Variants in FAF1 observed in about 807,000 individuals in gnomAD.
FAF1 encodes the protein FAS-associated factor 1.
Under a neutral mutation model 92.5 loss-of-function variants are expected in FAF1, and 25 were observed. That is an observed-to-expected ratio of 0.27 (90% CI 0.20 to 0.38). FAF1 has a LOEUF of 0.38. Among genes scored for constraint, FAF1 ranks in the 10% least tolerant of loss-of-function variants. The pLI, the probability that FAF1 is intolerant of heterozygous loss-of-function variation, is 1.00. For missense variants in FAF1, 636 were observed against 793.3 expected, an observed-to-expected ratio of 0.80 and a Z score of 2.38; for synonymous variants, 234 against 273.2, an observed-to-expected ratio of 0.86 and a Z score of 1.42.
intron 18 of FAF1, among the ~76,000 whole-genome samples, chr1:50,462,025 ATAT>A (rs1253785902): frequency 2.6e-4 from 39 of 147,960 alleles, no homozygotes; most frequent in African/African-American, 8.3e-4. Context: ...TATATTTTAT[ATAT>A]TATATTATAT....
chr1:50,578,688 T>G (rs902314137), intron 12 of FAF1, among the ~76,000 whole-genome samples: 2 of 152,146 alleles, frequency 1.3e-5, no homozygotes, highest in African/African-American at 4.8e-5. Context: ...ACTGTTTGGT[T>G]GTGGAGTTCA....
intron 15 of FAF1, among the ~76,000 whole-genome samples, chr1:50,530,703 T>C (rs541527852): frequency 1.6e-4 from 25 of 152,320 alleles, no homozygotes; most frequent in South Asian, 6.2e-4. Context: ...CTCCATGATG[T>C]GCTTATTTCG....
chr1:50,876,703 G>T (rs1284991019), intron 1 of FAF1, among the ~76,000 whole-genome samples: 1 of 151,908 alleles, frequency 6.6e-6, no homozygotes, highest in East Asian at 1.9e-4. Flanking sequence ...CTCCTACCTC[G>T]GCCTCCTGAG....
In FAF1 at chr1:50,537,030, T is replaced by A. The variant is rs150384516; in HGVS notation, c.1406-1573A>T. On this transcript the variant is annotated intron_variant, in intron 14 of 18. Transcript: ENST00000396153. ...CTCGCTTTGTTGCCCAGGTCTCAAGTGATCCTCCCACCTCAGCCTTCCAAG... is the reference window on the plus strand; with the variant it reads ...CTCGCTTTGTTGCCCAGGTCTCAAGAGATCCTCCCACCTCAGCCTTCCAAG... 2.8e-3 allele frequency among the ~76,000 whole-genome samples: 427 copies of A among 152,248 alleles called. 1 individual carries two copies. The highest frequency in any genetic ancestry group is 6.5e-3 in the Admixed American group (99 of 15,282).
chr1:50,472,007 T>G (rs1273703160), intron 18 of FAF1, among the ~76,000 whole-genome samples: 1 of 151,660 alleles, frequency 6.6e-6, no homozygotes, highest in Non-Finnish European at 1.5e-5. Context: ...GATAAGGAAG[T>G]GGCACAGAGG....
At chr1:50,812,086 T>C (rs929146688) in intron 2 of FAF1, among the ~76,000 whole-genome samples, 5 of 152,084 alleles carry the variant, frequency 3.3e-5, no homozygotes, top group Non-Finnish European at 7.4e-5. Context: ...AAGACTCAAA[T>C]GTAAAACCTA....
chr1:50,490,418 AGG>A (rs1646818998), intron 17 of FAF1, among the ~76,000 whole-genome samples, 168 bp downstream of exon 17: 1 of 109,990 alleles, frequency 9.1e-6, no homozygotes, highest in African/African-American at 3.3e-5. Context: ...GAAGGAAGGA[AGG>A]AAGGAAGGAA....
At chr1:50,531,548 C>A (rs1035645612) in intron 15 of FAF1, among the ~76,000 whole-genome samples, 4 of 152,126 alleles carry the variant, frequency 2.6e-5, no homozygotes, top group Non-Finnish European at 5.9e-5. Context: ...TTCCTCCTCA[C>A]CCACTCTTTG....
At chr1:50,682,177 C>A (rs1157141981) in intron 7 of FAF1, among the ~76,000 whole-genome samples, 1 of 151,932 alleles carries the variant, frequency 6.6e-6, no homozygotes, top group Non-Finnish European at 1.5e-5. Context: ...AAAGGATGTA[C>A]CTCTAGAGAT....
intron 2 of FAF1, 71 bp from the exon 3 acceptor site, chr1:50,801,748 AAAAGG>A: frequency 1.2e-6 from 1 of 847,342 alleles, no homozygotes; most frequent in Non-Finnish European, 2.0e-6. Flanking sequence ...AGAACACTTT[AAAAGG>A]AAATAAGTAT....
chr1:50,779,920 AAAAAAG>A (rs1007408610), intron 4 of FAF1, among the ~76,000 whole-genome samples: 4 of 151,984 alleles, frequency 2.6e-5, no homozygotes, highest in East Asian at 1.9e-4. Context: ...CTGTCTCTTA[AAAAAAG>A]AAAAAGAAAA....
chr1:50,686,393 T>C (rs905617310), intron 7 of FAF1, among the ~76,000 whole-genome samples: 2 of 151,866 alleles, frequency 1.3e-5, no homozygotes, highest in Non-Finnish European at 2.9e-5. Context: ...AAATACAAAA[T>C]TAGCTGGGTG....
rs562631440 is a variant in FAF1, at chr1:50,437,376, A to T, written c.*4064T>A. The T allele has an allele frequency of 6.7e-6, 1 of 148,684 alleles. No individual in the cohort carries two copies. Among genetic ancestry groups the T allele is most frequent in the East Asian group, 2.0e-4 (1 of 5,114 alleles). The allele number at this position is 148,684 out of a possible 1,614,324, so 9.2% of individuals were successfully genotyped here. ...CCCTTTCCAGGAAAATACATGTTTAACCTTTCTTTTTTTTTTTTTTTTAAA... is the reference window on the plus strand; with the variant it reads ...CCCTTTCCAGGAAAATACATGTTTATCCTTTCTTTTTTTTTTTTTTTTAAA... On this transcript the variant is annotated 3_prime_UTR_variant, in exon 19 of 19. Coordinates refer to ENST00000396153, the MANE Select transcript of FAF1 (RefSeq NM_007051.3).
chr1:50,605,041 A>G (rs957620793), intron 8 of FAF1, among the ~76,000 whole-genome samples: 1 of 152,030 alleles, frequency 6.6e-6, no homozygotes, highest in Non-Finnish European at 1.5e-5. Context: ...ATAATTACCC[A>G]CTTTTATGCT....
rs1025513106 is a variant in FAF1 at position 50,825,191 on chromosome 1, C to T, written c.115-23514G>A. On this transcript the variant is annotated intron_variant, in intron 2 of 18. Transcript: ENST00000396153. ...ATTGTATCATTACACACTGTACACA[C>T]GTATCAAAATACCACATGCAACCCA... Among the ~76,000 whole-genome samples, 7 of 151,990 alleles carry T rather than the reference C, an allele frequency of 4.6e-5. No individual in the cohort carries two copies. The East Asian group carries it at 5.8e-4, about 13-fold the overall frequency.
chr1:50,909,762 G>C (rs1644869478), intron 1 of FAF1, among the ~76,000 whole-genome samples: 1 of 152,060 alleles, frequency 6.6e-6, no homozygotes, highest in Admixed American at 6.5e-5. Flanking sequence ...TGTTTATTCT[G>C]GTTAGCCATT....
chr1:50,625,166 C>T (rs561465019), intron 8 of FAF1, among the ~76,000 whole-genome samples: 6 of 152,254 alleles, frequency 3.9e-5, no homozygotes, highest in Non-Finnish European at 7.4e-5. Flanking sequence ...TCCCAAAGTG[C>T]TGGGATTACA....
At chr1:50,905,155 C>T (rs1200504387) in intron 1 of FAF1, among the ~76,000 whole-genome samples, 3 of 152,098 alleles carry the variant, frequency 2.0e-5, no homozygotes, top group Admixed American at 6.6e-5. Context: ...ACTGTATTTG[C>T]GATCGTTTGC....
intron 4 of FAF1, among the ~76,000 whole-genome samples, chr1:50,753,782 T>C (rs1659966598): frequency 6.8e-6 from 1 of 147,496 alleles, no homozygotes; most frequent in South Asian, 2.2e-4. Flanking sequence ...TTTTGAGACA[T>C]AGTCTCGCTT....
Sources: gnomAD v4.1 joint callset for allele counts (sites outside exome capture counted in the v4.1 genomes callset) on GRCh38, gnomAD v4.1.1 for gene constraint, MANE v1.5 for transcripts, NCBI Gene and HGNC (gene_info 2026-07-23, HGNC 2026-07-21) for gene names.